Variants in KCNQ3 observed in about 807,000 individuals in gnomAD.
The protein encoded by KCNQ3 is potassium voltage-gated channel subfamily Q member 3.
KCNQ3 carries 30 observed loss-of-function variants against 92.5 expected under a neutral mutation model. The observed-to-expected ratio is 0.32, with a 90% CI of 0.24 to 0.44. KCNQ3 has a LOEUF of 0.44. KCNQ3 is among the 20% of genes least tolerant of loss of function. KCNQ3 has a pLI of 1.00. For synonymous variants in KCNQ3, 450 were observed against 468.8 expected (o/e 0.96, Z 0.52); for missense variants, 913 against 1,140.3 (o/e 0.80, Z 2.87).
At chr8:132,341,329 T>C (rs997608309) in intron 1 of KCNQ3, among the ~76,000 whole-genome samples, 1 of 151,970 alleles carries the variant, frequency 6.6e-6, no homozygotes, top group Non-Finnish European at 1.5e-5. Context: ...AGATAAGGAG[T>C]TTCATCCATG....
chr8:132,140,367 A>G (rs917115201), intron 10 of KCNQ3, 189 bp from the exon 11 acceptor site: 3 of 571,990 alleles, frequency 5.2e-6, no homozygotes, highest in Non-Finnish European at 6.2e-6. Flanking sequence ...CCCTCATTCT[A>G]TTACCCAGAA....
intron 8 of KCNQ3, 41 bp from the exon 9 acceptor site, chr8:132,163,535 G>C: frequency 6.6e-7 from 1 of 1,511,630 alleles, no homozygotes; most frequent in Non-Finnish European, 9.2e-7. Context: ...CATAAATTAC[G>C]TGAAACAGCT....
chr8:132,291,114 C>A (rs1816823077), intron 1 of KCNQ3, among the ~76,000 whole-genome samples: 1 of 152,140 alleles, frequency 6.6e-6, no homozygotes, highest in Non-Finnish European at 1.5e-5. Context: ...TACAGTAAGC[C>A]AGACTAGGGT....
At chr8:132,394,696 AAGTT>A (rs1820147088) in intron 1 of KCNQ3, among the ~76,000 whole-genome samples, 1 of 152,066 alleles carries the variant, frequency 6.6e-6, no homozygotes, top group Non-Finnish European at 1.5e-5. Context: ...GTGATGGGAG[AAGTT>A]CAAGGACTTC....
At chr8:132,229,808 G>A (rs1814572015) in intron 1 of KCNQ3, among the ~76,000 whole-genome samples, 1 of 152,122 alleles carries the variant, frequency 6.6e-6, no homozygotes, top group Non-Finnish European at 1.5e-5. Flanking sequence ...CCCCACCAAG[G>A]GTGAAACATA....
chr8:132,413,467 A>C (rs1205710427), intron 1 of KCNQ3, among the ~76,000 whole-genome samples: 1 of 152,222 alleles, frequency 6.6e-6, no homozygotes, highest in African/African-American at 2.4e-5. Context: ...AATTCAGCAG[A>C]AGGTTATTAA....
chr8:132,275,583 T>C (rs2130511122), intron 1 of KCNQ3, among the ~76,000 whole-genome samples: 1 of 49,364 alleles, frequency 2.0e-5, no homozygotes, highest in East Asian at 2.1e-3. Context: ...AGTGAAACCT[T>C]TTTTTTTTTT....
chr8:132,333,704 T>C (rs541818676), intron 1 of KCNQ3, among the ~76,000 whole-genome samples: 1 of 152,032 alleles, frequency 6.6e-6, no homozygotes, highest in Admixed American at 6.5e-5. Context: ...GTAAACTTTG[T>C]CCTATGTTAC....
intron 12 of KCNQ3, among the ~76,000 whole-genome samples, chr8:132,136,950 GC>G (rs11293588): frequency 0.85 from 125,993 of 148,042 alleles, 53,952 homozygotes; most frequent in Middle Eastern, 0.95. Context: ...TGCAACCTCC[GC>G]CCCCCCAGGT....
chr8:132,131,430 T>C (rs559871885), intron 14 of KCNQ3, among the ~76,000 whole-genome samples: 1 of 152,222 alleles, frequency 6.6e-6, no homozygotes, highest in Non-Finnish European at 1.5e-5. Flanking sequence ...GGATCTCACC[T>C]GTGCCTGCCC....
chr8:132,167,021 AC>A (rs1826162774), intron 8 of KCNQ3, among the ~76,000 whole-genome samples: 1 of 152,228 alleles, frequency 6.6e-6, no homozygotes, highest in Non-Finnish European at 1.5e-5. Context: ...AGTGGAAACA[AC>A]CCAAATTTCC....
At chr8:132,248,722 C>T (rs2130432310) in intron 1 of KCNQ3, among the ~76,000 whole-genome samples, 1 of 152,318 alleles carries the variant, frequency 6.6e-6, no homozygotes, top group Non-Finnish European at 1.5e-5. Flanking sequence ...GGCTCCTGCC[C>T]CAGCCAATCA....
intron 1 of KCNQ3, among the ~76,000 whole-genome samples, chr8:132,331,237 G>GT (rs2130661368): frequency 6.6e-6 from 1 of 152,304 alleles, no homozygotes; most frequent in East Asian, 1.9e-4. Context: ...TAGGTGGAGA[G>GT]TTTCCCAAAG....
intron 1 of KCNQ3, among the ~76,000 whole-genome samples, chr8:132,305,730 C>T (rs919152980): frequency 6.6e-6 from 1 of 152,120 alleles, no homozygotes; most frequent in East Asian, 1.9e-4. Context: ...AACAACATAT[C>T]TTCCTCCTCT....
chr8:132,385,651 C>T (rs1339464652), intron 1 of KCNQ3, among the ~76,000 whole-genome samples: 1 of 152,144 alleles, frequency 6.6e-6, no homozygotes, highest in Non-Finnish European at 1.5e-5. Flanking sequence ...TGGAATGATG[C>T]AGTAAGAAGA....
intron 1 of KCNQ3, among the ~76,000 whole-genome samples, chr8:132,319,836 A>C (rs762839739): frequency 2.4e-4 from 36 of 152,196 alleles, no homozygotes; most frequent in Non-Finnish European, 4.3e-4. Context: ...CCTGAAGCCT[A>C]TTCAGGACTA....
chr8:132,387,974 GAGAAGAGGAAGAGGAAGAGGAAGAAGA>G (rs1331533023), intron 1 of KCNQ3, among the ~76,000 whole-genome samples: 6 of 145,786 alleles, frequency 4.1e-5, no homozygotes, highest in East Asian at 2.0e-4. Flanking sequence ...GAAGAAGGAG[GAGAAGAGGAAGAGGAAGAGGAAGAAGA>G]AGAAGAGGAA....
At chr8:132,224,642 A>G (rs1260613023) in intron 1 of KCNQ3, among the ~76,000 whole-genome samples, 8 of 152,200 alleles carry the variant, frequency 5.3e-5, no homozygotes, top group Non-Finnish European at 8.8e-5. Context: ...TTAAAATTAG[A>G]TTTATTATGG....
intron 1 of KCNQ3, among the ~76,000 whole-genome samples, chr8:132,238,349 C>A (rs1352317160): frequency 6.6e-6 from 1 of 152,104 alleles, no homozygotes; most frequent in Admixed American, 6.6e-5. Flanking sequence ...ATACAGATAG[C>A]ACACCTGGTC....
Sources: allele counts gnomAD v4.1 joint callset (sites outside exome capture counted in the v4.1 genomes callset), GRCh38; gene constraint gnomAD v4.1.1; transcripts MANE v1.5; gene names NCBI Gene and HGNC (gene_info 2026-07-23, HGNC 2026-07-21).